GUCY1A1: variants seen among roughly 807,000 people sequenced by gnomAD.
GUCY1A1 encodes guanylate cyclase soluble subunit alpha-1.
In GUCY1A1, 48 loss-of-function variants were observed where a neutral mutation model predicts 64.5. The ratio of observed to expected loss-of-function variants is 0.74; its 90% CI spans 0.59 to 0.95. The LOEUF is 0.95. Ranked by LOEUF, GUCY1A1 falls within the 40% of genes least tolerant of loss-of-function variation. GUCY1A1 has a pLI of 0.00. For missense variants in GUCY1A1, 804 were observed against 825.3 expected (o/e 0.97, Z 0.32); for synonymous variants, 308 against 303.4 (o/e 1.02, Z -0.16).
chr4:155,704,885 A>C (rs1226665467), intron 4 of GUCY1A1, among the ~76,000 whole-genome samples: 1 of 151,938 alleles, frequency 6.6e-6, no homozygotes, highest in Non-Finnish European at 1.5e-5. Context: ...TACTTTTTTA[A>C]AATTTATTTT....
Position 155,692,020 on chromosome 4 carries a change from T to C in GUCY1A1, c.-112-4736T>C, listed in dbSNP as rs112717280. ...TCCATGCGTTCTCATTGTTTAGCTCTCACTTATAAGTGAGAACATGCGGTG... is the reference window on the plus strand; with the variant it reads ...TCCATGCGTTCTCATTGTTTAGCTCCCACTTATAAGTGAGAACATGCGGTG... On this transcript the variant is annotated intron_variant, in intron 2 of 9. Coordinates refer to ENST00000506455, the MANE Select transcript of GUCY1A1 (RefSeq NM_001130682.3). 9.9e-3 allele frequency among the ~76,000 whole-genome samples: 1,512 copies of C among 152,240 alleles called. 34 individuals are homozygous for C. Among genetic ancestry groups the C allele is most frequent in the African/African-American group, 0.035 (1,457 of 41,522 alleles).
intron 2 of GUCY1A1, among the ~76,000 whole-genome samples, chr4:155,673,661 G>A (rs1734456746): frequency 6.6e-6 from 1 of 151,394 alleles, no homozygotes; most frequent in Non-Finnish European, 1.5e-5. Context: ...TGATGTGTGT[G>A]TGTGTACCCT....
chr4:155,690,090 A>C (rs1016605652), intron 2 of GUCY1A1, among the ~76,000 whole-genome samples: 4 of 152,192 alleles, frequency 2.6e-5, no homozygotes, highest in African/African-American at 9.7e-5. Flanking sequence ...GAGTAACCTA[A>C]CTCCCACAAG....
intron 8 of GUCY1A1, among the ~76,000 whole-genome samples, chr4:155,719,976 ATG>A (rs777585339): frequency 3.3e-5 from 5 of 152,112 alleles, no homozygotes; most frequent in Non-Finnish European, 7.4e-5. Flanking sequence ...TCAGGGCACG[ATG>A]TGTGTCTTAA....
intron 9 of GUCY1A1, among the ~76,000 whole-genome samples, chr4:155,727,070 A>C (rs929930352): frequency 6.6e-6 from 1 of 151,998 alleles, no homozygotes; most frequent in South Asian, 2.1e-4. Flanking sequence ...AAGAAGGAAC[A>C]AAGTGAATAA....
intron 2 of GUCY1A1, among the ~76,000 whole-genome samples, chr4:155,680,725 A>C (rs1735612988): frequency 6.6e-6 from 1 of 152,176 alleles, no homozygotes; most frequent in Admixed American, 6.5e-5. Context: ...AGGAAGAGAA[A>C]ATATATTTAC....
At chr4:155,680,541 C>T (rs1056068825) in intron 2 of GUCY1A1, among the ~76,000 whole-genome samples, 1 of 151,944 alleles carries the variant, frequency 6.6e-6, no homozygotes, top group East Asian at 1.9e-4. Flanking sequence ...GACACTCCTG[C>T]ACAGTCAACA....
At chr4:155,703,453 G>C (rs1005308412) in intron 3 of GUCY1A1, among the ~76,000 whole-genome samples, 3 of 152,134 alleles carry the variant, frequency 2.0e-5, no homozygotes, top group African/African-American at 7.2e-5. Flanking sequence ...AGAGTCACTG[G>C]GGCAGCTGGG....
intron 2 of GUCY1A1, among the ~76,000 whole-genome samples, chr4:155,685,365 T>C (rs1728840942): frequency 2.6e-5 from 4 of 152,194 alleles, no homozygotes; most frequent in African/African-American, 7.2e-5. Flanking sequence ...ACTGCACAGT[T>C]TGAACACAGT....
At chr4:155,679,874 C>A (rs1010064788) in intron 2 of GUCY1A1, among the ~76,000 whole-genome samples, 3 of 152,178 alleles carry the variant, frequency 2.0e-5, no homozygotes, top group African/African-American at 7.2e-5. Flanking sequence ...TGCCTTGACA[C>A]CTTTGTTGTA....
rs970221755 is a variant in GUCY1A1, at chr4:155,713,243, A to T, written c.1232A>T (p.Asp411Val). The T allele has an allele frequency of 5.6e-6, 9 of 1,614,000 alleles. No individual in the cohort carries two copies. Among genetic ancestry groups the T allele is most frequent in the Non-Finnish European group, 7.6e-6 (9 of 1,180,012 alleles). The change falls in exon 7 of 10, where the codon GAT becomes GTT. Residue 411 changes from aspartate (D) to valine (V), a missense_variant. By Grantham distance (152) the Asp-to-Val change is radical. Transcript: ENST00000506455. ...ATCCCAATTCACAATGCACTGAGGG[A>T]TGTGGTCTTAATAGGGGAACAAGCC... Reference protein sequence around the residue: ...SDIPIHNALRDVVLIGEQARA... With the variant: ...SDIPIHNALRVVVLIGEQARA...
chr4:155,717,722 A>G (rs6827911), intron 8 of GUCY1A1, among the ~76,000 whole-genome samples: 114,056 of 151,948 alleles, frequency 0.75, 43,010 homozygotes, highest in East Asian at 0.93. Context: ...CACATCTACT[A>G]TAATAATCAG....
chr4:155,730,077 A>G lies in GUCY1A1; in HGVS notation c.1919A>G (p.Glu640Gly). 1 of 1,610,730 alleles carries G rather than the reference A, an allele frequency of 6.2e-7. No homozygotes were observed. Among genetic ancestry groups the G allele is most frequent in the Non-Finnish European group, 8.5e-7 (1 of 1,177,448 alleles). ...TTCGTGTTTACCCCTCGATCAAGGG[A>G]GGAACTTCCACCAAACTTCCCTAGT... ...PGFVFTPRSREELPPNFPSEI... is the reference protein window; with the variant it reads ...PGFVFTPRSRGELPPNFPSEI... The change falls in exon 10 of 10, where the codon GAG becomes GGG. Residue 640 changes from glutamate to glycine, a missense_variant. By Grantham distance (98) the Glu-to-Gly change is moderately conservative. Coordinates refer to ENST00000506455, the MANE Select transcript of GUCY1A1 (RefSeq NM_001130682.3).
chr4:155,706,744 G>A (rs1731829306), intron 4 of GUCY1A1, among the ~76,000 whole-genome samples: 1 of 152,272 alleles, frequency 6.6e-6, no homozygotes, highest in Admixed American at 6.5e-5. Flanking sequence ...TTTTTTGAAG[G>A]TGAGGGTAGG....
chr4:155,735,416 A>G lies in GUCY1A1; in HGVS notation c.*5185A>G, dbSNP rs1018651433. Reference sequence around the variant, plus strand: ...AACTTAGTTTTATGAAAATGTTAATATCTTGGATTTAAACATTGGGGTAGA... The same window carrying G: ...AACTTAGTTTTATGAAAATGTTAATGTCTTGGATTTAAACATTGGGGTAGA... On this transcript the variant is annotated 3_prime_UTR_variant, in exon 10 of 10. Transcript: ENST00000506455. 6.6e-6 allele frequency: 1 copy of G among 152,002 alleles called. No homozygotes were observed. Among genetic ancestry groups the G allele is most frequent in the Non-Finnish European group, 1.5e-5 (1 of 67,938 alleles). 9.4% of individuals were successfully genotyped at this position (152,002 alleles called of 1,614,324 possible).
chr4:155,677,455 G>T (rs531875710), intron 2 of GUCY1A1, among the ~76,000 whole-genome samples: 2 of 152,254 alleles, frequency 1.3e-5, no homozygotes, highest in African/African-American at 4.8e-5. Flanking sequence ...TTAAGTATTG[G>T]ATAGCTATAA....
intron 2 of GUCY1A1, among the ~76,000 whole-genome samples, chr4:155,690,473 T>G (rs1729590929): frequency 6.6e-6 from 1 of 152,198 alleles, no homozygotes; most frequent in Admixed American, 6.5e-5. Context: ...TGCTTATTAG[T>G]TATTTAGTTG....
chr4:155,669,384 T>C (rs550137743), intron 2 of GUCY1A1, among the ~76,000 whole-genome samples: 1 of 152,086 alleles, frequency 6.6e-6, no homozygotes, highest in East Asian at 1.9e-4. Context: ...GTGTATGAAA[T>C]ATAAATAGCC....
chr4:155,691,204 A>C (rs753477829), intron 2 of GUCY1A1, among the ~76,000 whole-genome samples: 11 of 152,242 alleles, frequency 7.2e-5, no homozygotes, highest in Non-Finnish European at 1.3e-4. Context: ...CCTTTCAAAA[A>C]GAGTAACAAT....
Sources: gnomAD v4.1 joint callset for allele counts (sites outside exome capture counted in the v4.1 genomes callset) on GRCh38, gnomAD v4.1.1 for gene constraint, MANE v1.5 for transcripts, NCBI Gene and HGNC (gene_info 2026-07-23, HGNC 2026-07-21) for gene names.